Variants in DACH1 observed in about 807,000 individuals in gnomAD.
DACH1 encodes dachshund homolog 1.
A neutral mutation model predicts 54.2 loss-of-function variants in DACH1; 12 were observed. The ratio of observed to expected loss-of-function variants is 0.22; its 90% CI spans 0.14 to 0.36. The LOEUF is 0.36. Among genes scored for constraint, DACH1 ranks in the 10% least tolerant of loss-of-function variants. The pLI is 1.00. For missense variants in DACH1, 805 were observed against 929.8 expected (o/e 0.87, Z 1.75); for synonymous variants, 386 against 366.2 (o/e 1.05, Z -0.62).
chr13:71,511,119 G>C (rs946777885), intron 6 of DACH1, among the ~76,000 whole-genome samples: 1 of 151,968 alleles, frequency 6.6e-6, no homozygotes, highest in African/African-American at 2.4e-5. Context: ...CAGTAACAAG[G>C]ACTAACAAGG....
At chr13:71,843,596 T>G (rs1017728170) in intron 1 of DACH1, among the ~76,000 whole-genome samples, 2 of 152,178 alleles carry the variant, frequency 1.3e-5, no homozygotes, top group African/African-American at 4.8e-5. Context: ...GTACTGATGC[T>G]TCTAGGATTC....
intron 6 of DACH1, among the ~76,000 whole-genome samples, chr13:71,515,737 G>C (rs573769890): frequency 1.3e-4 from 20 of 151,934 alleles, no homozygotes; most frequent in Admixed American, 1.3e-3. Flanking sequence ...TAACCAGTTA[G>C]GACTTATTCT....
intron 6 of DACH1, among the ~76,000 whole-genome samples, chr13:71,511,778 C>T (rs1880793403): frequency 1.3e-5 from 2 of 151,956 alleles, no homozygotes; most frequent in African/African-American, 4.8e-5. Context: ...ACATATGCCA[C>T]TTAGCCTTTA....
chr13:71,806,054 A>T (rs1295356872), intron 1 of DACH1, among the ~76,000 whole-genome samples: 1 of 152,110 alleles, frequency 6.6e-6, no homozygotes, highest in East Asian at 1.9e-4. Context: ...TGATCCGCCC[A>T]CCTCAGTCTC....
At chr13:71,785,527 C>A (rs1428779720) in intron 1 of DACH1, among the ~76,000 whole-genome samples, 1 of 152,148 alleles carries the variant, frequency 6.6e-6, no homozygotes, top group African/African-American at 2.4e-5. Context: ...ACAATCATAT[C>A]TGTCTTATAA....
chr13:71,658,773 T>C lies in DACH1; in HGVS notation c.964+23022A>G, dbSNP rs190189758. 5.3e-5 allele frequency among the ~76,000 whole-genome samples: 8 copies of C among 152,316 alleles called. No homozygotes were observed. In the East Asian group the frequency reaches 1.4e-3, roughly 26 times the overall value. ...AGATCTTGCTGGAATATTTTTATTTTGCAAAGAACTAATACCAAAAATGTG... is the reference window on the plus strand; with the variant it reads ...AGATCTTGCTGGAATATTTTTATTTCGCAAAGAACTAATACCAAAAATGTG... On this transcript the variant is annotated intron_variant, in intron 2 of 10. Transcript: ENST00000613252.
chr13:71,654,428 A>G (rs1043242361), intron 2 of DACH1, among the ~76,000 whole-genome samples: 1 of 137,420 alleles, frequency 7.3e-6, no homozygotes, highest in East Asian at 2.0e-4. Flanking sequence ...ATAAAATAAA[A>G]TAAAATAAAA....
chr13:71,448,524 A>G (rs1874677579), intron 10 of DACH1, among the ~76,000 whole-genome samples: 1 of 152,224 alleles, frequency 6.6e-6, no homozygotes, highest in African/African-American at 2.4e-5. Context: ...AGCTAATTAA[A>G]GAAAATATTG....
intron 3 of DACH1, among the ~76,000 whole-genome samples, chr13:71,610,842 G>A (rs61957850): frequency 0.14 from 21,763 of 152,124 alleles, 3,676 homozygotes; most frequent in African/African-American, 0.4. Context: ...ATACTAAGAA[G>A]TGTCTCATGC....
intron 10 of DACH1, 72 bp from the exon 11 acceptor site, chr13:71,440,764 T>C: frequency 5.1e-6 from 6 of 1,181,116 alleles, no homozygotes; most frequent in Non-Finnish European, 7.3e-6. Flanking sequence ...AAAAATGATG[T>C]AACTTGATAT....
intron 2 of DACH1, among the ~76,000 whole-genome samples, chr13:71,637,078 CTCTTA>C (rs1300322349): frequency 6.6e-6 from 1 of 152,048 alleles, no homozygotes; most frequent in Non-Finnish European, 1.5e-5. Context: ...TAGACTCACT[CTCTTA>C]TAAGAAATAT....
At chr13:71,620,242 C>CTA (rs1366679307) in intron 3 of DACH1, among the ~76,000 whole-genome samples, 3 of 151,848 alleles carry the variant, frequency 2.0e-5, no homozygotes, top group African/African-American at 7.2e-5. Context: ...GCAAGATAAT[C>CTA]TAGAAGTCCT....
At chr13:71,827,415 C>CA (rs1286775616) in intron 1 of DACH1, among the ~76,000 whole-genome samples, 1 of 151,984 alleles carries the variant, frequency 6.6e-6, no homozygotes, top group Non-Finnish European at 1.5e-5. Flanking sequence ...GCCAAGATGG[C>CA]AAAAAACAAA....
chr13:71,857,434 A>T (rs1229492904), intron 1 of DACH1, among the ~76,000 whole-genome samples: 1 of 151,668 alleles, frequency 6.6e-6, no homozygotes, highest in Non-Finnish European at 1.5e-5. Flanking sequence ...GTGGCCCTAC[A>T]TCCTACAGGT....
chr13:71,465,755 A>G (rs1046308895), intron 10 of DACH1, among the ~76,000 whole-genome samples: 2 of 152,172 alleles, frequency 1.3e-5, no homozygotes, highest in African/African-American at 4.8e-5. Context: ...ATGCTTAAAA[A>G]TTAACGTATT....
intron 10 of DACH1, among the ~76,000 whole-genome samples, chr13:71,445,073 C>T (rs374026697): frequency 1.1e-4 from 17 of 152,214 alleles, no homozygotes; most frequent in Non-Finnish European, 2.4e-4. Flanking sequence ...GAGCCTCCCC[C>T]ACGATAAGCC....
rs147327334 is a variant in DACH1 at position 71,641,078 on chromosome 13, G to C, written c.965-10361C>G. Among the ~76,000 whole-genome samples the C allele has an allele frequency of 4.9e-4, 74 of 151,916 alleles. No individual in the cohort carries two copies. The East Asian group carries it at 0.012, about 25-fold the overall frequency. On this transcript the variant is annotated intron_variant, in intron 2 of 10. Transcript: ENST00000613252. ...GAAAATGACAAAAAAAAACAAAAGA[G>C]GTGGCTATTTTTACATGTAAGTCTT...
intron 2 of DACH1, among the ~76,000 whole-genome samples, chr13:71,644,444 G>A (rs776865239): frequency 4.6e-5 from 7 of 152,194 alleles, no homozygotes; most frequent in Non-Finnish European, 7.4e-5. Flanking sequence ...TGTTGAGGAT[G>A]AAAGTTGTCA....
chr13:71,703,553 T>C (rs1046672938), intron 1 of DACH1, among the ~76,000 whole-genome samples: 1 of 152,262 alleles, frequency 6.6e-6, no homozygotes, highest in Non-Finnish European at 1.5e-5. Context: ...CTGCACAAGA[T>C]GCGTCATAAA....
Sources: allele counts gnomAD v4.1 joint callset (sites outside exome capture counted in the v4.1 genomes callset), GRCh38; gene constraint gnomAD v4.1.1; transcripts MANE v1.5; gene names NCBI Gene and HGNC (gene_info 2026-07-23, HGNC 2026-07-21).